LRRC4C: variants seen among roughly 807,000 people sequenced by gnomAD.
LRRC4C encodes the protein leucine rich repeat containing 4C, also known as leucine-rich repeat-containing protein 4C.
LRRC4C carries 5 observed loss-of-function variants against 33.6 expected under a neutral mutation model. The observed-to-expected ratio is 0.15, with a 90% confidence interval of 0.08 to 0.31. LRRC4C has a LOEUF of 0.31. LRRC4C is among the 10% of genes least tolerant of loss of function. The pLI is 1.00. For missense variants in LRRC4C, 560 were observed against 796.7 expected (o/e 0.70, Z 3.58); for synonymous variants, 329 against 302.0 (o/e 1.09, Z -0.93).
intron 1 of LRRC4C, among the ~76,000 whole-genome samples, chr11:41,042,950 A>C (rs2138004996): frequency 6.7e-6 from 1 of 148,672 alleles, no homozygotes; most frequent in Non-Finnish European, 1.5e-5. Context: ...AGATGAAAGG[A>C]GGCCCTGGTT....
intron 3 of LRRC4C, among the ~76,000 whole-genome samples, chr11:40,479,801 A>G (rs1420851014): frequency 1.3e-5 from 2 of 152,278 alleles, no homozygotes; most frequent in East Asian, 3.9e-4. Flanking sequence ...AGGTAACCAC[A>G]TAGTTTTCTT....
Position 40,495,960 on chromosome 11 carries a change from G to C in LRRC4C, c.-270+152182C>G, listed in dbSNP as rs140248218. ...TTCTCCTGTCTCAGCCTCCCAAGTAGCTGGGATAACAGGCAAGTGCCACCA... is the reference window on the plus strand; with the variant it reads ...TTCTCCTGTCTCAGCCTCCCAAGTACCTGGGATAACAGGCAAGTGCCACCA... On this transcript the variant is annotated intron_variant, in intron 3 of 6. Transcript: ENST00000528697. 5.1e-3 allele frequency among the ~76,000 whole-genome samples: 774 copies of C among 151,326 alleles called. 2 individuals carry two copies. The highest frequency in any genetic ancestry group is 8.1e-3 in the Non-Finnish European group (549 of 67,878).
At chr11:40,543,779 ACT>A (rs1425827523) in intron 3 of LRRC4C, among the ~76,000 whole-genome samples, 3 of 151,994 alleles carry the variant, frequency 2.0e-5, no homozygotes, top group African/African-American at 7.3e-5. Context: ...CAAAGATATG[ACT>A]CTCTCTTAAG....
intron 3 of LRRC4C, among the ~76,000 whole-genome samples, chr11:40,354,272 C>T (rs1947553788): frequency 1.3e-5 from 2 of 152,124 alleles, no homozygotes; most frequent in Non-Finnish European, 1.5e-5. Context: ...ACACAAACAC[C>T]CCTGTGACTA....
chr11:41,372,801 A>C (rs1187541979), intron 1 of LRRC4C, among the ~76,000 whole-genome samples: 2 of 151,742 alleles, frequency 1.3e-5, no homozygotes, highest in African/African-American at 4.8e-5. Flanking sequence ...AAAAAAAAAA[A>C]AAGAGTAACA....
At chr11:41,137,093 C>G (rs1943296815) in intron 1 of LRRC4C, among the ~76,000 whole-genome samples, 1 of 151,912 alleles carries the variant, frequency 6.6e-6, no homozygotes. Context: ...AGTAAAAATA[C>G]AAAAATTAGC....
intron 1 of LRRC4C, among the ~76,000 whole-genome samples, chr11:40,961,299 G>A (rs1167933760): frequency 1.3e-5 from 2 of 151,652 alleles, no homozygotes; most frequent in Non-Finnish European, 3.0e-5. Context: ...GATTAGCACA[G>A]GTGACAGAGT....
intron 2 of LRRC4C, among the ~76,000 whole-genome samples, chr11:40,683,511 T>A (rs1944804337): frequency 6.6e-6 from 1 of 151,362 alleles, no homozygotes; most frequent in African/African-American, 2.5e-5. Flanking sequence ...ATTTAAAAAT[T>A]GTCATTTTAA....
At chr11:40,375,198 C>A (rs1156987729) in intron 3 of LRRC4C, among the ~76,000 whole-genome samples, 1 of 152,150 alleles carries the variant, frequency 6.6e-6, no homozygotes, top group African/African-American at 2.4e-5. Flanking sequence ...AACATATCAT[C>A]TTGGAAGAGG....
intron 3 of LRRC4C, among the ~76,000 whole-genome samples, chr11:40,498,951 TAGA>T (rs1205707766): frequency 6.6e-6 from 1 of 152,162 alleles, no homozygotes; most frequent in African/African-American, 2.4e-5. Flanking sequence ...GTTGAGATGA[TAGA>T]AGATTAGAAT....
chr11:40,918,082 T>C (rs1957034202), intron 2 of LRRC4C, among the ~76,000 whole-genome samples: 1 of 152,118 alleles, frequency 6.6e-6, no homozygotes. Flanking sequence ...CATATTAATC[T>C]ATATGATTGG....
chr11:40,858,599 C>T (rs942549190), intron 2 of LRRC4C, among the ~76,000 whole-genome samples: 10 of 143,598 alleles, frequency 7.0e-5, no homozygotes, highest in East Asian at 2.2e-4. Flanking sequence ...GTGGCTGAGG[C>T]GGGAGAATTG....
At chr11:40,811,159 T>A (rs562925649) in intron 2 of LRRC4C, among the ~76,000 whole-genome samples, 2 of 152,306 alleles carry the variant, frequency 1.3e-5, no homozygotes, top group African/African-American at 4.8e-5. Flanking sequence ...TTTTTCTTTT[T>A]TTTCCTTTAA....
At position 40,428,009 on chromosome 11, in the gene LRRC4C, A is replaced by G. The variant is rs74641355; in HGVS notation, c.-269-108288T>C. On this transcript the variant is annotated intron_variant, in intron 3 of 6. Transcript: ENST00000528697. ...ATTATGAGGAGTCGAAAATCACTGA[A>G]ATGTTTTATAAGGCATTCTGAATCA... Among the ~76,000 whole-genome samples the G allele has an allele frequency of 7.3e-3, 1,107 of 152,288 alleles. 13 individuals carry two copies. Among genetic ancestry groups the G allele is most frequent in the African/African-American group, 0.025 (1,044 of 41,558 alleles).
chr11:40,348,140 T>TAAC (rs1373326596), intron 3 of LRRC4C, among the ~76,000 whole-genome samples: 2 of 152,056 alleles, frequency 1.3e-5, no homozygotes, highest in African/African-American at 2.4e-5. Flanking sequence ...ATAACAGATT[T>TAAC]AATAATAATA....
At chr11:40,700,824 A>G (rs1285657044) in intron 2 of LRRC4C, among the ~76,000 whole-genome samples, 1 of 152,204 alleles carries the variant, frequency 6.6e-6, no homozygotes, top group Non-Finnish European at 1.5e-5. Context: ...TGATTTCTGT[A>G]TTTTAGAAAA....
At chr11:40,209,949 G>C (rs532890936) in intron 5 of LRRC4C, among the ~76,000 whole-genome samples, 2 of 152,050 alleles carry the variant, frequency 1.3e-5, no homozygotes, top group South Asian at 4.2e-4. Flanking sequence ...GGAAGGAAGG[G>C]CATGCTAGTT....
chr11:40,582,013 C>T (rs1958490187), intron 3 of LRRC4C, among the ~76,000 whole-genome samples: 1 of 151,886 alleles, frequency 6.6e-6, no homozygotes, highest in Non-Finnish European at 1.5e-5. Context: ...CACATTTTTC[C>T]AAGTGGAAAA....
intron 1 of LRRC4C, among the ~76,000 whole-genome samples, chr11:41,263,908 G>A (rs1054339682): frequency 1.3e-5 from 2 of 152,110 alleles, no homozygotes; most frequent in East Asian, 1.9e-4. Context: ...AAGATTGGGG[G>A]AAGATAGCAT....
Sources: gnomAD v4.1 joint callset for allele counts (sites outside exome capture counted in the v4.1 genomes callset) on GRCh38, gnomAD v4.1.1 for gene constraint, MANE v1.5 for transcripts, NCBI Gene and HGNC (gene_info 2026-07-23, HGNC 2026-07-21) for gene names.